SLX4IP: variants seen among roughly 807,000 people sequenced by gnomAD.
The protein encoded by SLX4IP is SLX4 interacting protein.
In SLX4IP, 34 loss-of-function variants were observed where a neutral mutation model predicts 32.9. That is an observed-to-expected ratio of 1.03 (90% CI 0.79 to 1.38). The LOEUF (loss-of-function observed/expected upper bound fraction) is 1.38. Among genes scored for constraint, SLX4IP ranks in the 40% most tolerant of loss-of-function variants. The probability of loss-of-function intolerance (pLI) is 0.00; values close to 1 mark genes in which losing one functional copy is unlikely to be tolerated. For synonymous variants in SLX4IP, 172 were observed against 171.7 expected, an observed-to-expected ratio of 1.00 and a Z score of -0.01; for missense variants, 444 against 479.0, an observed-to-expected ratio of 0.93 and a Z score of 0.68.
rs560757931 is a variant in SLX4IP, at chr20:10,488,806, T to G, written c.27+30575T>G. On this transcript the variant is annotated intron_variant, in intron 2 of 7. Transcript: ENST00000334534. ...AATTTTTTTTCTTTTCATTCAAGAG[T>G]CATTGGTGATAGACACTTCCCTTGA... 7.9e-5 allele frequency among the ~76,000 whole-genome samples: 12 copies of G among 152,106 alleles called. 1 individual carries two copies. In the South Asian group the frequency reaches 2.5e-3, roughly 32 times the overall value.
chr20:10,613,104 C>A (rs1357488551), intron 6 of SLX4IP: 5 of 324,406 alleles, frequency 1.5e-5, no homozygotes, highest in Middle Eastern at 9.9e-4. Context: ...TCGCAGAAAG[C>A]GGCATGAACA....
chr20:10,491,028 C>G (rs2065618253), intron 2 of SLX4IP, among the ~76,000 whole-genome samples: 1 of 151,486 alleles, frequency 6.6e-6, no homozygotes, highest in African/African-American at 2.4e-5. Context: ...AGAAAGCAAA[C>G]AAGAGAGTGG....
intron 6 of SLX4IP, among the ~76,000 whole-genome samples, chr20:10,616,522 A>T (rs2067033903): frequency 1.3e-5 from 2 of 151,876 alleles, no homozygotes; most frequent in Admixed American, 6.6e-5. Context: ...AAGTCACACA[A>T]GATCTGCCTT....
intron 5 of SLX4IP, 33 bp downstream of exon 5, chr20:10,598,785 T>C (rs756053215): frequency 1.3e-6 from 2 of 1,599,490 alleles, no homozygotes; most frequent in South Asian, 1.1e-5. Flanking sequence ...TGTCAGACAT[T>C]TCACACAATC....
intron 2 of SLX4IP, among the ~76,000 whole-genome samples, chr20:10,484,764 T>C (rs1600918614): frequency 6.6e-6 from 1 of 152,130 alleles, no homozygotes; most frequent in Non-Finnish European, 1.5e-5. Context: ...CATACACATA[T>C]GAAAAAGATA....
chr20:10,565,638 G>A (rs2066383524), intron 4 of SLX4IP, among the ~76,000 whole-genome samples: 1 of 152,202 alleles, frequency 6.6e-6, no homozygotes, highest in African/African-American at 2.4e-5. Context: ...CTTATAAAAT[G>A]TGGAAAGTCA....
intron 2 of SLX4IP, among the ~76,000 whole-genome samples, chr20:10,469,158 C>T (rs900117963): frequency 2.0e-5 from 3 of 152,136 alleles, no homozygotes; most frequent in Non-Finnish European, 4.4e-5. Flanking sequence ...CTGAAGTGCC[C>T]AGTACCCCCC....
At chr20:10,451,279 G>T (rs758507280) in intron 1 of SLX4IP, among the ~76,000 whole-genome samples, 1 of 151,922 alleles carries the variant, frequency 6.6e-6, no homozygotes, top group Non-Finnish European at 1.5e-5. Flanking sequence ...TCCTGCCTCA[G>T]CCTTGCGAGT....
At chr20:10,493,584 A>T (rs1027742571) in intron 2 of SLX4IP, among the ~76,000 whole-genome samples, 1 of 152,162 alleles carries the variant, frequency 6.6e-6, no homozygotes, top group South Asian at 2.1e-4. Flanking sequence ...TAAATGCATG[A>T]ACATTCAATT....
At chr20:10,557,279 C>T (rs188117123) in intron 3 of SLX4IP, among the ~76,000 whole-genome samples, 5 of 152,032 alleles carry the variant, frequency 3.3e-5, no homozygotes, top group South Asian at 2.1e-4. Context: ...TCCCCACCCC[C>T]CAAAAAAGAT....
At chr20:10,469,956 A>G (rs1486294511) in intron 2 of SLX4IP, among the ~76,000 whole-genome samples, 2 of 152,196 alleles carry the variant, frequency 1.3e-5, no homozygotes, top group South Asian at 2.1e-4. Context: ...GACAGTCCCA[A>G]CGACGAAAAC....
At chr20:10,483,039 A>G (rs1229978091) in intron 2 of SLX4IP, among the ~76,000 whole-genome samples, 2 of 152,192 alleles carry the variant, frequency 1.3e-5, no homozygotes, top group Non-Finnish European at 2.9e-5. Flanking sequence ...TTATTCATTT[A>G]TTATCTATAG....
chr20:10,622,064 C>T (rs185474172), intron 7 of SLX4IP, among the ~76,000 whole-genome samples: 112 of 152,302 alleles, frequency 7.4e-4, no homozygotes, highest in Admixed American at 3.5e-3. Flanking sequence ...CTTTTGTCTT[C>T]CACGATTGTA....
Position 10,627,564 on chromosome 20 carries a change from G to A in SLX4IP, c.*4185G>A, listed in dbSNP as rs1055819923. ...TATTTACAAGACAGGGAACAAATAT[G>A]TGTCAATGTGCAGCTTAACAGAGGG... On this transcript the variant is annotated 3_prime_UTR_variant, in exon 8 of 8. Transcript: ENST00000334534. The A allele has an allele frequency of 2.6e-5, 4 of 152,204 alleles. 1 individual carries two copies. The South Asian group carries it at 8.3e-4, about 32-fold the overall frequency. 9.4% of individuals were successfully genotyped at this position (152,204 alleles called of 1,614,324 possible). A position where few individuals can be genotyped will look rare whatever the true frequency, so the allele number is the denominator to read the frequency against.
At chr20:10,454,865 T>C (rs1395971733) in intron 1 of SLX4IP, among the ~76,000 whole-genome samples, 1 of 152,240 alleles carries the variant, frequency 6.6e-6, no homozygotes, top group Non-Finnish European at 1.5e-5. Context: ...CTACCATCAA[T>C]GTATGAGAGT....
At chr20:10,601,521 A>G (rs532997960) in intron 5 of SLX4IP, among the ~76,000 whole-genome samples, 2 of 152,270 alleles carry the variant, frequency 1.3e-5, no homozygotes, top group South Asian at 4.1e-4. Context: ...CAGGTGGACC[A>G]ATTTGCAGCC....
chr20:10,621,883 C>A (rs191500990), intron 7 of SLX4IP, among the ~76,000 whole-genome samples: 212 of 152,288 alleles, frequency 1.4e-3, no homozygotes, highest in Non-Finnish European at 2.2e-3. Flanking sequence ...AAATTTCTTG[C>A]CATTCACAAA....
chr20:10,597,472 C>T (rs1220341093), intron 4 of SLX4IP, among the ~76,000 whole-genome samples: 1 of 152,220 alleles, frequency 6.6e-6, no homozygotes, highest in Non-Finnish European at 1.5e-5. Context: ...ATCTGAAAAT[C>T]TGTTGCCACC....
intron 2 of SLX4IP, among the ~76,000 whole-genome samples, chr20:10,537,692 CCTT>C (rs934982054): frequency 1.2e-4 from 19 of 152,148 alleles, no homozygotes; most frequent in Non-Finnish European, 2.6e-4. Flanking sequence ...ATCATGATCT[CCTT>C]ATGACATTAA....
Sources: gnomAD v4.1 joint callset for allele counts (sites outside exome capture counted in the v4.1 genomes callset) on GRCh38, gnomAD v4.1.1 for gene constraint, MANE v1.5 for transcripts, NCBI Gene and HGNC (gene_info 2026-07-23, HGNC 2026-07-21) for gene names.